The following PDE1C variants were observed in gnomAD, a reference collection of about 807,000 sequenced individuals.
The protein encoded by PDE1C is phosphodiesterase 1C.
A neutral mutation model predicts 93.1 loss-of-function variants in PDE1C; 62 were observed. That is an observed-to-expected ratio of 0.67 (90% CI 0.54 to 0.82). The LOEUF is 0.82. Ranked by LOEUF, PDE1C falls within the 40% of genes least tolerant of loss-of-function variation. The pLI is 0.00. For synonymous variants in PDE1C, 325 were observed against 310.1 expected (o/e 1.05, Z -0.50); for missense variants, 742 against 884.6 (o/e 0.84, Z 2.04).
intron 9 of PDE1C, among the ~76,000 whole-genome samples, chr7:31,841,086 T>C (rs1240525774): frequency 2.0e-5 from 3 of 152,052 alleles, no homozygotes; most frequent in Admixed American, 6.6e-5. Context: ...ACATAATCTT[T>C]AGTGAACATG....
At chr7:31,725,504 G>A in the PDE1C span, among the ~76,000 whole-genome samples, 1 of 152,224 alleles carries the variant, frequency 6.6e-6, no homozygotes, top group Admixed American at 6.5e-5. Flanking sequence ...TAGACCCTGG[G>A]ATGGTGATGT....
intron 6 of PDE1C, among the ~76,000 whole-genome samples, chr7:31,868,495 A>G (rs1223849108): frequency 6.6e-6 from 1 of 152,168 alleles, no homozygotes; most frequent in African/African-American, 2.4e-5. Flanking sequence ...CAAAAAATGC[A>G]GTCTGGCAAA....
chr7:32,154,829 G>A (rs1346118972), intron 3 of PDE1C, among the ~76,000 whole-genome samples: 6 of 152,226 alleles, frequency 3.9e-5, no homozygotes, highest in Non-Finnish European at 7.3e-5. Context: ...GTCTTCGGAG[G>A]CAAATGTGTG....
intron 3 of PDE1C, among the ~76,000 whole-genome samples, chr7:32,151,750 G>A (rs752186088): frequency 3.3e-5 from 5 of 152,150 alleles, no homozygotes; most frequent in Non-Finnish European, 7.4e-5. Flanking sequence ...GGGACAGACT[G>A]GGGATAGCAT....
intron 17 of PDE1C, among the ~76,000 whole-genome samples, chr7:31,768,364 C>T (rs1477796713): frequency 6.6e-6 from 1 of 152,214 alleles, no homozygotes; most frequent in Non-Finnish European, 1.5e-5. Context: ...GCTGGACTGA[C>T]AAGCATAATA....
intron 1 of PDE1C, among the ~76,000 whole-genome samples, chr7:32,286,517 T>C (rs1482157688): frequency 6.6e-6 from 1 of 152,206 alleles, no homozygotes; most frequent in Non-Finnish European, 1.5e-5. Flanking sequence ...ATATAAAATA[T>C]GTGTGCATAT....
chr7:32,244,261 G>A (rs1461026620), intron 1 of PDE1C, among the ~76,000 whole-genome samples: 1 of 152,208 alleles, frequency 6.6e-6, no homozygotes, highest in Non-Finnish European at 1.5e-5. Context: ...TGGGGATGTA[G>A]TTGTTGGCCC....
At chr7:32,237,824 G>A (rs1177403999) in intron 1 of PDE1C, among the ~76,000 whole-genome samples, 4 of 135,592 alleles carry the variant, frequency 3.0e-5, no homozygotes, top group Admixed American at 1.6e-4. Flanking sequence ...AGGCTGTAGT[G>A]CAATGGCATG....
At chr7:32,274,549 G>T (rs996220299) in intron 1 of PDE1C, among the ~76,000 whole-genome samples, 3 of 152,026 alleles carry the variant, frequency 2.0e-5, no homozygotes, top group Non-Finnish European at 4.4e-5. Flanking sequence ...ATTATGAAGT[G>T]GGTCTGTGAG....
rs367998833 is a variant in PDE1C at position 32,001,480 on chromosome 7, G to A, written c.128+50074C>T. On this transcript the variant is annotated intron_variant, in intron 2 of 17. Coordinates refer to ENST00000396191, the MANE Select transcript of PDE1C (RefSeq NM_001191057.4). ...TTTATGTGCATGAGATCTTCCCTGT[G>A]AGGCTGTGAGCTCCATGAGCACAAC... is the stretch of plus-strand genomic sequence containing the variant. 1.1e-4 allele frequency among the ~76,000 whole-genome samples: 17 copies of A among 152,182 alleles called. 1 individual carries two copies. The East Asian group carries it at 2.7e-3, about 24-fold the overall frequency.
chr7:32,232,120 C>G (rs1273576549), intron 1 of PDE1C, among the ~76,000 whole-genome samples: 1 of 151,900 alleles, frequency 6.6e-6, no homozygotes. Context: ...ATGCTGAAAA[C>G]AATAGTAGCA....
chr7:32,261,475 T>C (rs1387578573), intron 1 of PDE1C, among the ~76,000 whole-genome samples: 2 of 152,188 alleles, frequency 1.3e-5, no homozygotes, highest in East Asian at 1.9e-4. Flanking sequence ...ACTTGAGTAA[T>C]AATAAAACTC....
intron 2 of PDE1C, among the ~76,000 whole-genome samples, chr7:32,182,883 T>C (rs1291680300): frequency 1.3e-5 from 2 of 152,160 alleles, no homozygotes; most frequent in African/African-American, 2.4e-5. Flanking sequence ...GATGACAAGA[T>C]TGTATATCTA....
chr7:32,108,667 T>C (rs902901020), intron 3 of PDE1C, among the ~76,000 whole-genome samples: 6 of 152,176 alleles, frequency 3.9e-5, no homozygotes, highest in Non-Finnish European at 7.3e-5. Flanking sequence ...CGTATGAAAT[T>C]GTTCCTTCCT....
At chr7:32,147,857 G>A (rs1018281300) in intron 3 of PDE1C, among the ~76,000 whole-genome samples, 4 of 152,016 alleles carry the variant, frequency 2.6e-5, no homozygotes, top group Admixed American at 2.6e-4. Context: ...GAGAGCTAAA[G>A]CTGATGCCAT....
intron 2 of PDE1C, among the ~76,000 whole-genome samples, chr7:31,957,446 G>A (rs1808300614): frequency 6.6e-6 from 1 of 152,070 alleles, no homozygotes. Context: ...ACCTGTAGAG[G>A]ATGGAACAAA....
rs576993125 is a variant in PDE1C at position 32,290,368 on chromosome 7, G to A, written c.85+8283C>T. ...GTGAGCACAGTCCAGGGAAGCAGCT[G>A]TGGGTCTGGAAGTCTTGCCCACACC... On this transcript the variant is annotated intron_variant, in intron 1 of 18. Coordinates refer to the PDE1C transcript ENST00000396193. Among the ~76,000 whole-genome samples the A allele has an allele frequency of 3.9e-5, 6 of 152,318 alleles. No individual in the cohort carries two copies. In the East Asian group the frequency reaches 7.7e-4, roughly 20 times the overall value.
At chr7:31,739,499 G>T in the PDE1C span, among the ~76,000 whole-genome samples, 1 of 152,162 alleles carries the variant, frequency 6.6e-6, no homozygotes, top group Non-Finnish European at 1.5e-5. Context: ...ACTATGTTAT[G>T]AGCTTTAGTG....
At chr7:32,029,223 C>T (rs571109553) in intron 2 of PDE1C, among the ~76,000 whole-genome samples, 1 of 141,054 alleles carries the variant, frequency 7.1e-6, no homozygotes, top group East Asian at 2.1e-4. Flanking sequence ...AAAGGAAATC[C>T]TTATACATTG....
Sources: allele counts gnomAD v4.1 joint callset (sites outside exome capture counted in the v4.1 genomes callset), GRCh38; gene constraint gnomAD v4.1.1; transcripts MANE v1.5; gene names NCBI Gene and HGNC (gene_info 2026-07-23, HGNC 2026-07-21).